KLF13: variants seen among roughly 807,000 people sequenced by gnomAD.
The protein encoded by KLF13 is Krueppel-like factor 13.
Under a neutral mutation model 16.7 loss-of-function variants are expected in KLF13, and 8 were observed. The ratio of observed to expected loss-of-function variants is 0.48; its 90% confidence interval spans 0.28 to 0.87. The LOEUF (loss-of-function observed/expected upper bound fraction) is 0.87. Among genes scored for constraint, KLF13 ranks in the 40% least tolerant of loss-of-function variants. KLF13 has a pLI of 0.10. For missense variants in KLF13, 447 were observed against 452.2 expected, an observed-to-expected ratio of 0.99 and a Z score of 0.10; for synonymous variants, 245 against 208.4, an observed-to-expected ratio of 1.18 and a Z score of -1.51.
intron 1 of KLF13, among the ~76,000 whole-genome samples, chr15:31,423,142 T>TATATACACGTATATATACGTATATATAC (rs1566848334): frequency 9.8e-6 from 1 of 101,854 alleles, no homozygotes; most frequent in African/African-American, 7.6e-5. Flanking sequence ...CGTATACGTA[T>TATATACACGTATATATACGTATATATAC]ACGTATATAT....
intron 1 of KLF13, among the ~76,000 whole-genome samples, chr15:31,421,772 A>AGGTGGCAGAGATCTGGGG (rs2040327561): frequency 6.6e-6 from 1 of 152,166 alleles, no homozygotes; most frequent in East Asian, 1.9e-4. Flanking sequence ...ACAAAATGGC[A>AGGTGGCAGAGATCTGGGG]AAGTATGTCC....
chr15:31,410,327 A>G (rs1485513107), intron 1 of KLF13, among the ~76,000 whole-genome samples: 4 of 152,084 alleles, frequency 2.6e-5, no homozygotes. Flanking sequence ...AAAAAAAGGA[A>G]AGATAAAAAA....
At chr15:31,407,742 T>C (rs1489541852), downstream of KLF13, among the ~76,000 whole-genome samples, 1 of 152,048 alleles carries the variant, frequency 6.6e-6, no homozygotes, top group African/African-American at 2.4e-5. Flanking sequence ...GATTCAATAA[T>C]AAGAAATATA....
intron 1 of KLF13, among the ~76,000 whole-genome samples, chr15:31,413,992 G>A (rs1367549788): frequency 1.3e-5 from 2 of 152,154 alleles, no homozygotes; most frequent in Non-Finnish European, 2.9e-5. Context: ...GAGTAAACAT[G>A]TAATGGGCTA....
chr15:31,398,024 G>A (rs1329980001), intron 2 of KLF13, among the ~76,000 whole-genome samples: 2 of 152,106 alleles, frequency 1.3e-5, no homozygotes, highest in Non-Finnish European at 2.9e-5. Flanking sequence ...TGGGTTTTAC[G>A]CAGTCCGGGG....
intron 1 of KLF13, among the ~76,000 whole-genome samples, chr15:31,368,832 A>G (rs1397330533): frequency 6.6e-6 from 1 of 152,140 alleles, no homozygotes; most frequent in Non-Finnish European, 1.5e-5. Flanking sequence ...AGATAGATAG[A>G]TAGATAGATA....
In KLF13 at chr15:31,372,170, G is replaced by T. The variant is rs1394106186; in HGVS notation, c.738G>T (p.Ala246=). The T allele has an allele frequency of 1.2e-6, 2 of 1,612,128 alleles. No individual in the cohort carries two copies. Among genetic ancestry groups the T allele is most frequent in the Non-Finnish European group, 1.7e-6 (2 of 1,179,782 alleles). ...GCAGCGACCACCTGACCAAGCACGC[G>T]CGCCGCCACGCCAACTTCCACCCGG... ...FMRSDHLTKH[A]RRHANFHPGM... The change falls in exon 2 of 2, where the codon GCG becomes GCT. Residue 246 remains alanine (A), a synonymous_variant. Transcript: ENST00000307145.
intron 1 of KLF13, among the ~76,000 whole-genome samples, chr15:31,333,593 T>G (rs557885022): frequency 6.6e-6 from 1 of 152,174 alleles, no homozygotes; most frequent in Admixed American, 6.5e-5. Context: ...AATTAATTTT[T>G]TGTCTATATT....
intron 1 of KLF13, among the ~76,000 whole-genome samples, chr15:31,411,088 T>C (rs1298128052): frequency 3.3e-5 from 5 of 152,308 alleles, no homozygotes; most frequent in South Asian, 4.1e-4. Flanking sequence ...TCTAAAAACA[T>C]TTAAGGCAGA....
At chr15:31,359,093 T>C (rs1183394460) in intron 1 of KLF13, among the ~76,000 whole-genome samples, 2 of 152,224 alleles carry the variant, frequency 1.3e-5, no homozygotes, top group African/African-American at 4.8e-5. Flanking sequence ...ACCGTTCATC[T>C]GGAGAAGGCC....
At chr15:31,360,829 A>G (rs988284251) in intron 1 of KLF13, among the ~76,000 whole-genome samples, 8 of 152,172 alleles carry the variant, frequency 5.3e-5, no homozygotes, top group Middle Eastern at 3.2e-3. Context: ...TGAAGAATAC[A>G]TTGTTTCGTT....
intron 1 of KLF13, among the ~76,000 whole-genome samples, chr15:31,337,412 A>G (rs1424635568): frequency 1.3e-5 from 2 of 152,194 alleles, no homozygotes; most frequent in Non-Finnish European, 2.9e-5. Flanking sequence ...GAAGATGCCC[A>G]AGGTTTTATT....
upstream of KLF13, among the ~76,000 whole-genome samples, chr15:31,390,970 C>T (rs2039856405): frequency 1.3e-5 from 2 of 151,150 alleles, no homozygotes; most frequent in African/African-American, 4.9e-5. Flanking sequence ...GTTCATGGCA[C>T]TCTTGGCCAT....
At chr15:31,413,768 G>A (rs926983809) in intron 1 of KLF13, among the ~76,000 whole-genome samples, 1 of 152,134 alleles carries the variant, frequency 6.6e-6, no homozygotes, top group Non-Finnish European at 1.5e-5. Flanking sequence ...ACCTTAAATG[G>A]TAATTTGAAT....
chr15:31,398,058 C>T (rs1396027535), intron 2 of KLF13, among the ~76,000 whole-genome samples: 2 of 152,156 alleles, frequency 1.3e-5, no homozygotes, highest in Admixed American at 6.5e-5. Context: ...TAATAAGGAG[C>T]CTGCTAGGCC....
At chr15:31,415,417 A>C (rs2040243396) in intron 1 of KLF13, among the ~76,000 whole-genome samples, 1 of 152,236 alleles carries the variant, frequency 6.6e-6, no homozygotes, top group Non-Finnish European at 1.5e-5. Context: ...AATTTAACAG[A>C]ATTGAAATAA....
chr15:31,345,849 C>T (rs1046712575), intron 1 of KLF13, among the ~76,000 whole-genome samples: 2 of 152,130 alleles, frequency 1.3e-5, no homozygotes, highest in African/African-American at 2.4e-5. Context: ...GTCAGTTTAC[C>T]GGGGGCAAAT....
chr15:31,434,419 G>A (rs548168327), intron 1 of KLF13, among the ~76,000 whole-genome samples: 2 of 152,262 alleles, frequency 1.3e-5, no homozygotes, highest in African/African-American at 4.8e-5. Context: ...GAAGGGCCGG[G>A]AACCAACAGT....
chr15:31,358,641 T>C (rs1159772392), intron 1 of KLF13, among the ~76,000 whole-genome samples: 1 of 152,252 alleles, frequency 6.6e-6, no homozygotes, highest in Non-Finnish European at 1.5e-5. Context: ...TAGATACAAA[T>C]TGCCTTTACT....
Sources: gnomAD v4.1 joint callset for allele counts (sites outside exome capture counted in the v4.1 genomes callset) on GRCh38, gnomAD v4.1.1 for gene constraint, MANE v1.5 for transcripts, NCBI Gene and HGNC (gene_info 2026-07-23, HGNC 2026-07-21) for gene names.